The following NRXN3 variants were observed in gnomAD, a reference collection of about 807,000 sequenced individuals.
NRXN3 encodes the protein neurexin 3.
Under a neutral mutation model 137.6 loss-of-function variants are expected in NRXN3, and 32 were observed. That is an observed-to-expected ratio of 0.23 (90% CI 0.18 to 0.31). The LOEUF is 0.31. Ranked by LOEUF, NRXN3 falls within the 10% of genes least tolerant of loss-of-function variation. The pLI is 1.00. For synonymous variants in NRXN3, 798 were observed against 784.5 expected (o/e 1.02, Z -0.29); for missense variants, 1,574 against 2,062.5 (o/e 0.76, Z 4.59).
chr14:78,653,758 A>G (rs1484564523), intron 6 of NRXN3, among the ~76,000 whole-genome samples: 1 of 132,022 alleles, frequency 7.6e-6, no homozygotes, highest in East Asian at 2.6e-4. Flanking sequence ...TGCTGCCCAG[A>G]TAGAGAGCAG....
intron 15 of NRXN3, among the ~76,000 whole-genome samples, chr14:79,401,816 G>A (rs2153493300): frequency 6.7e-6 from 1 of 149,100 alleles, no homozygotes; most frequent in South Asian, 2.1e-4. Flanking sequence ...TGATGAATAA[G>A]TACGTGTAAA....
chr14:78,275,222 A>G (rs901396048), intron 2 of NRXN3, among the ~76,000 whole-genome samples: 2 of 152,108 alleles, frequency 1.3e-5, no homozygotes, highest in African/African-American at 4.8e-5. Context: ...GACATTATGT[A>G]TCTGTTTTTA....
intron 15 of NRXN3, among the ~76,000 whole-genome samples, chr14:79,063,776 A>G (rs1339545396): frequency 3.3e-5 from 5 of 152,176 alleles, no homozygotes; most frequent in Non-Finnish European, 7.3e-5. Flanking sequence ...TGTTTGCTCA[A>G]GATAGAGCGA....
At chr14:78,886,970 G>C (rs1008403470) in intron 10 of NRXN3, among the ~76,000 whole-genome samples, 1 of 152,070 alleles carries the variant, frequency 6.6e-6, no homozygotes, top group African/African-American at 2.4e-5. Context: ...GTCTAACTTC[G>C]TTTTGTGTTT....
intron 10 of NRXN3, among the ~76,000 whole-genome samples, chr14:78,831,243 C>T (rs775460530): frequency 9.2e-5 from 14 of 152,080 alleles, no homozygotes; most frequent in Middle Eastern, 3.4e-3. Flanking sequence ...AAACTGATGA[C>T]GCAAGCCACG....
intron 4 of NRXN3, among the ~76,000 whole-genome samples, chr14:78,528,712 C>CT (rs1041374444): frequency 1.1e-4 from 16 of 152,130 alleles, no homozygotes; most frequent in Middle Eastern, 3.4e-3. Context: ...CTTTTAGAGT[C>CT]TTTTTTCAGA....
chr14:79,178,883 C>T (rs2153119406), intron 15 of NRXN3, among the ~76,000 whole-genome samples: 1 of 152,316 alleles, frequency 6.6e-6, no homozygotes, highest in South Asian at 2.1e-4. Context: ...AATCATTAAT[C>T]TCTGCCCAGG....
intron 15 of NRXN3, among the ~76,000 whole-genome samples, chr14:79,075,908 G>C (rs1459576009): frequency 6.6e-6 from 1 of 152,120 alleles, no homozygotes; most frequent in Non-Finnish European, 1.5e-5. Flanking sequence ...GCCATTGGCC[G>C]TTTGCCCAAT....
At chr14:79,414,125 C>G (rs973893732) in intron 15 of NRXN3, among the ~76,000 whole-genome samples, 1 of 151,946 alleles carries the variant, frequency 6.6e-6, no homozygotes, top group Non-Finnish European at 1.5e-5. Context: ...GTGGGGGCGG[C>G]AGGGGGTCAT....
At chr14:79,634,836 C>T (rs1008833971) in intron 16 of NRXN3, among the ~76,000 whole-genome samples, 1 of 152,172 alleles carries the variant, frequency 6.6e-6, no homozygotes, top group Non-Finnish European at 1.5e-5. Flanking sequence ...TCTAGCCTCG[C>T]CAGACTCTGG....
intron 10 of NRXN3, among the ~76,000 whole-genome samples, chr14:78,850,675 ATCAGAATTGCAAG>A (rs1433602443): frequency 6.6e-6 from 1 of 152,152 alleles, no homozygotes; most frequent in African/African-American, 2.4e-5. Context: ...CAGGGAAACC[ATCAGAATTGCAAG>A]TGGAGCAAAA....
chr14:78,550,422 T>G (rs973624169), intron 4 of NRXN3, among the ~76,000 whole-genome samples: 3 of 152,000 alleles, frequency 2.0e-5, no homozygotes, highest in Non-Finnish European at 4.4e-5. Context: ...AATATGGGAG[T>G]TGGTGCCCTA....
chr14:79,184,209 A>G (rs1032121142), intron 15 of NRXN3, among the ~76,000 whole-genome samples: 3 of 152,216 alleles, frequency 2.0e-5, no homozygotes, highest in African/African-American at 7.2e-5. Flanking sequence ...CAGATGATAT[A>G]ATTAGCCCAA....
chr14:79,461,102 G>T (rs1391979585), intron 15 of NRXN3, among the ~76,000 whole-genome samples: 1 of 152,116 alleles, frequency 6.6e-6, no homozygotes, highest in Non-Finnish European at 1.5e-5. Flanking sequence ...GGCCTTGTTT[G>T]CAGTTTTTCC....
chr14:78,331,165 T>C (rs2080776785), intron 4 of NRXN3, among the ~76,000 whole-genome samples: 2 of 152,176 alleles, frequency 1.3e-5, no homozygotes, highest in African/African-American at 4.8e-5. Context: ...ATATATGAGT[T>C]GACTTTTAGA....
intron 16 of NRXN3, among the ~76,000 whole-genome samples, chr14:79,578,377 G>A (rs2097684830): frequency 6.6e-6 from 1 of 152,124 alleles, no homozygotes; most frequent in African/African-American, 2.4e-5. Flanking sequence ...TTTGGAGGTT[G>A]GGTGGGTGCT....
chr14:78,910,604 G>A (rs1257978301), intron 10 of NRXN3, among the ~76,000 whole-genome samples: 1 of 151,948 alleles, frequency 6.6e-6, no homozygotes, highest in African/African-American at 2.4e-5. Flanking sequence ...AAGCCTCCCT[G>A]ACTGCTGGTT....
chr14:78,830,613 A>G (rs2098978963), intron 10 of NRXN3, among the ~76,000 whole-genome samples: 1 of 151,692 alleles, frequency 6.6e-6, no homozygotes, highest in Non-Finnish European at 1.5e-5. Flanking sequence ...GGTGTTTCCT[A>G]TTTGTAACTG....
At chr14:79,385,913 T>A (rs1315593686) in intron 15 of NRXN3, among the ~76,000 whole-genome samples, 1 of 152,112 alleles carries the variant, frequency 6.6e-6, no homozygotes, top group African/African-American at 2.4e-5. Flanking sequence ...CAGCCCTTCA[T>A]GCTAAAAACT....
Sources: gnomAD v4.1 joint callset for allele counts (sites outside exome capture counted in the v4.1 genomes callset) on GRCh38, gnomAD v4.1.1 for gene constraint, MANE v1.5 for transcripts, NCBI Gene and HGNC (gene_info 2026-07-23, HGNC 2026-07-21) for gene names.